Variants in SLC11A2 observed in about 807,000 individuals in gnomAD.
SLC11A2 encodes the protein natural resistance-associated macrophage protein 2.
In SLC11A2, 38 loss-of-function variants were observed where a neutral mutation model predicts 68.0. That is an observed-to-expected ratio of 0.56 (90% CI 0.43 to 0.73). SLC11A2 has a LOEUF of 0.73. Among genes scored for constraint, SLC11A2 ranks in the 30% least tolerant of loss-of-function variants. The pLI is 0.00. For missense variants in SLC11A2, 517 were observed against 690.5 expected, an observed-to-expected ratio of 0.75 and a Z score of 2.82; for synonymous variants, 242 against 250.6, an observed-to-expected ratio of 0.97 and a Z score of 0.32.
chr12:50,979,103 T>C (rs148969484), downstream of SLC11A2, among the ~76,000 whole-genome samples: 1 of 152,364 alleles, frequency 6.6e-6, no homozygotes, highest in East Asian at 1.9e-4. Context: ...AGATTGAATA[T>C]ATTAATATAT....
At chr12:51,000,771 A>G (rs1942133697) in intron 5 of SLC11A2, 1 of 576,004 alleles carries the variant, frequency 1.7e-6, no homozygotes, top group East Asian at 2.8e-5. Flanking sequence ...GAGAATAAGG[A>G]TGCTAATACG....
downstream of SLC11A2, chr12:50,985,884 G>C: frequency 9.5e-7 from 1 of 1,048,428 alleles, no homozygotes; most frequent in South Asian, 2.5e-5. Flanking sequence ...TGTGGACTTA[G>C]TGTGCCATTC....
chr12:50,958,282 C>CTTT, the SLC11A2 span, among the ~76,000 whole-genome samples: 3 of 133,924 alleles, frequency 2.2e-5, no homozygotes, highest in Non-Finnish European at 3.2e-5. Context: ...CTAAAATAAT[C>CTTT]TTTTTTTTTT....
chr12:50,994,757 G>A, intron 10 of SLC11A2, 127 bp from the exon 11 acceptor site: 1 of 710,686 alleles, frequency 1.4e-6, no homozygotes, highest in Admixed American at 2.0e-5. Context: ...GACATATGCT[G>A]TGATGTGGGC....
intron 1 of SLC11A2, among the ~76,000 whole-genome samples, chr12:51,020,644 T>A (rs1026751324): frequency 6.6e-6 from 1 of 152,324 alleles, no homozygotes; most frequent in South Asian, 2.1e-4. Context: ...CAGTCAGGCC[T>A]CTGTAACCCT....
At chr12:51,000,738 AAAC>A in intron 5 of SLC11A2, 1 of 587,124 alleles carries the variant, frequency 1.7e-6, no homozygotes, top group South Asian at 2.2e-5. Flanking sequence ...AATTTCCTAA[AAAC>A]AATCCTAAAA....
chr12:50,963,004 T>C, the SLC11A2 span, among the ~76,000 whole-genome samples: 3 of 144,330 alleles, frequency 2.1e-5, no homozygotes, highest in African/African-American at 8.0e-5. Context: ...TTTGAACTTA[T>C]ATAATTATGA....
chr12:51,012,230 G>T (rs915246314), intron 1 of SLC11A2, among the ~76,000 whole-genome samples: 2 of 152,120 alleles, frequency 1.3e-5, no homozygotes, highest in African/African-American at 4.8e-5. Context: ...TCAGGGGTGG[G>T]GTGGAAGTTC....
chr12:51,003,464 C>A (rs1942446314), intron 5 of SLC11A2, among the ~76,000 whole-genome samples: 1 of 151,096 alleles, frequency 6.6e-6, no homozygotes, highest in Non-Finnish European at 1.5e-5. Context: ...GGAATCGCCT[C>A]ACTGCAAGAA....
intron 15 of SLC11A2, among the ~76,000 whole-genome samples, chr12:50,989,974 T>A (rs1032929272): frequency 6.6e-6 from 1 of 152,198 alleles, no homozygotes; most frequent in African/African-American, 2.4e-5. Flanking sequence ...TTATTTTGGC[T>A]GTTTTTCATT....
rs1224448695 is a variant in SLC11A2 at position 51,005,445 on chromosome 12, G to C, written c.184-9C>G. On this transcript the variant is annotated splice_polypyrimidine_tract_variant and intron_variant, in intron 3 of 15. Transcript: ENST00000262052. ...AAGCTAAAACAAGAGTACTGTACAA[G>C]AGAGGAAAAGAGATTAAACTGAACA... The C allele has an allele frequency of 6.2e-7, 1 of 1,613,358 alleles. No individual in the cohort carries two copies. The highest frequency in any genetic ancestry group is 2.2e-5 in the East Asian group (1 of 44,840).
At chr12:50,985,061 C>T (rs541668311), downstream of SLC11A2, among the ~76,000 whole-genome samples, 1 of 152,288 alleles carries the variant, frequency 6.6e-6, no homozygotes, top group South Asian at 2.1e-4. Flanking sequence ...GGCTGATCCT[C>T]TTGTTGTTAC....
intron 3 of SLC11A2, among the ~76,000 whole-genome samples, chr12:51,007,788 A>G (rs554909532): frequency 5.9e-5 from 9 of 152,032 alleles, no homozygotes; most frequent in Non-Finnish European, 1.3e-4. Flanking sequence ...CTACAGGTGC[A>G]TACCACCATG....
At chr12:50,973,920 G>A in the SLC11A2 span, among the ~76,000 whole-genome samples, 1 of 152,172 alleles carries the variant, frequency 6.6e-6, no homozygotes, top group South Asian at 2.1e-4. Context: ...GAAATGAAGT[G>A]AGAAGAGAAG....
At chr12:50,974,007 G>A in the SLC11A2 span, among the ~76,000 whole-genome samples, 4 of 150,544 alleles carry the variant, frequency 2.7e-5, no homozygotes, top group Admixed American at 2.7e-4. Context: ...CCAAATCTAC[G>A]TCTGATTGGT....
the SLC11A2 span, among the ~76,000 whole-genome samples, chr12:50,966,205 A>G: frequency 2.6e-5 from 4 of 152,314 alleles, no homozygotes; most frequent in East Asian, 7.7e-4. Flanking sequence ...TAGGGAGCCC[A>G]GCAGTTTGCA....
At chr12:50,982,982 A>G (rs1480612858), downstream of SLC11A2, among the ~76,000 whole-genome samples, 1 of 150,928 alleles carries the variant, frequency 6.6e-6, no homozygotes, top group African/African-American at 2.4e-5. Context: ...CTCCACTCCT[A>G]AAGAACTGAG....
chr12:50,990,939 C>T lies in SLC11A2; in HGVS notation c.1431G>A (p.Arg477=), dbSNP rs770995660. The T allele has an allele frequency of 8.1e-6, 13 of 1,614,030 alleles. No individual in the cohort carries two copies. Among genetic ancestry groups the T allele is most frequent in the Non-Finnish European group, 1.0e-5 (12 of 1,179,942 alleles). ...MSDFANGLGW[R]IAGGILVLII... ...TAAGGACCAAGATTCCTCCTGCAAT[C>T]CGCCAGCCTCTGTAAAAGAAATCAG... Residue 477 remains arginine, a synonymous_variant, in exon 15 of 16, where the codon CGG becomes CGA. Coordinates refer to ENST00000262052, the MANE Select transcript of SLC11A2 (RefSeq NM_000617.3).
chr12:51,001,752 T>G (rs1942264500), intron 5 of SLC11A2, among the ~76,000 whole-genome samples: 1 of 151,740 alleles, frequency 6.6e-6, no homozygotes, highest in Admixed American at 6.6e-5. Context: ...GAGGACAGCC[T>G]AAGCCCCAGT....
Sources: gnomAD v4.1 joint callset for allele counts (sites outside exome capture counted in the v4.1 genomes callset) on GRCh38, gnomAD v4.1.1 for gene constraint, MANE v1.5 for transcripts, NCBI Gene and HGNC (gene_info 2026-07-23, HGNC 2026-07-21) for gene names.